Variants in TAF1A observed in about 807,000 individuals in gnomAD.
TAF1A encodes TATA box-binding protein-associated factor RNA polymerase I subunit A.
Under a neutral mutation model 61.6 loss-of-function variants are expected in TAF1A, and 42 were observed. The ratio of observed to expected loss-of-function variants is 0.68; its 90% CI spans 0.53 to 0.88. The LOEUF (loss-of-function observed/expected upper bound fraction) is 0.88, where lower values mean the gene tolerates loss of function less well. Ranked by LOEUF, TAF1A falls within the 40% of genes least tolerant of loss-of-function variation. The pLI is 0.00. For synonymous variants in TAF1A, 179 were observed against 177.7 expected (o/e 1.01, Z -0.06); for missense variants, 424 against 518.7 (o/e 0.82, Z 1.77).
chr1:222,589,847 T>G lies in TAF1A; in HGVS notation c.-123A>C. On this transcript the variant is annotated 5_prime_UTR_variant, in exon 1 of 11. Coordinates refer to ENST00000352967, the MANE Select transcript of TAF1A (RefSeq NM_005681.4). Reference sequence around the variant, plus strand: ...TTATATGAGCAGGCGCTAAACCTGGTTTAGGTATTTAGGCAGCGCGCGGCC... The same window carrying G: ...TTATATGAGCAGGCGCTAAACCTGGGTTAGGTATTTAGGCAGCGCGCGGCC... 2.6e-6 allele frequency: 1 copy of G among 385,380 alleles called. No homozygotes were observed. The highest frequency in any genetic ancestry group is 4.6e-6 in the Non-Finnish European group (1 of 218,158). 23.9% of individuals were successfully genotyped at this position (385,380 alleles called of 1,614,324 possible). A position where few individuals can be genotyped will look rare whatever the true frequency, so the allele number is the denominator to read the frequency against.
intron 3 of TAF1A, among the ~76,000 whole-genome samples, chr1:222,583,900 G>C (rs771187871): frequency 1.3e-5 from 2 of 151,058 alleles, no homozygotes; most frequent in East Asian, 3.9e-4. Context: ...CATCCATAAA[G>C]AGGGGGGAAA....
rs988729207 is a variant in TAF1A at position 222,585,456 on chromosome 1, A to T, written c.122-1159T>A. Among the ~76,000 whole-genome samples, 11 of 101,204 alleles carry T rather than the reference A, an allele frequency of 1.1e-4. 1 individual carries two copies. The South Asian group carries it at 1.4e-3, about 13-fold the overall frequency. The allele number at this position is 101,204 out of a possible 152,430, so 66.4% of individuals were successfully genotyped here. On this transcript the variant is annotated intron_variant, in intron 2 of 10. Coordinates refer to ENST00000352967, the MANE Select transcript of TAF1A (RefSeq NM_005681.4). ...GGGAAAAGTTTTAGATAACTTTATTAAAAAAAAAAAAAAAAGAGTCTTGCT... is the reference window on the plus strand; with the variant it reads ...GGGAAAAGTTTTAGATAACTTTATTTAAAAAAAAAAAAAAAGAGTCTTGCT...
At chr1:222,573,718 G>T (rs1269799731) in intron 5 of TAF1A, among the ~76,000 whole-genome samples, 1 of 152,060 alleles carries the variant, frequency 6.6e-6, no homozygotes, top group Non-Finnish European at 1.5e-5. Flanking sequence ...TAAACTTAGA[G>T]TTATATGACC....
intron 10 of TAF1A, among the ~76,000 whole-genome samples, chr1:222,560,875 G>GA (rs999648908): frequency 2.6e-5 from 4 of 152,216 alleles, no homozygotes; most frequent in South Asian, 4.1e-4. Context: ...TTTCTTTGAA[G>GA]AAAAAATCAA....
chr1:222,574,019 A>G (rs1210466376), intron 5 of TAF1A, among the ~76,000 whole-genome samples: 2 of 152,110 alleles, frequency 1.3e-5, no homozygotes, highest in Admixed American at 1.3e-4. Context: ...GTAAAAGAAG[A>G]CCACATACTG....
At chr1:222,570,691 A>T (rs1660315125) in intron 5 of TAF1A, 26 bp from the exon 6 acceptor site, 3 of 1,555,450 alleles carry the variant, frequency 1.9e-6, no homozygotes, top group African/African-American at 2.7e-5. Context: ...AGATCTTTTA[A>T]CATTCATTAA....
intron 3 of TAF1A, among the ~76,000 whole-genome samples, chr1:222,583,908 A>G (rs1332064597): frequency 1.3e-5 from 2 of 152,036 alleles, no homozygotes; most frequent in Non-Finnish European, 2.9e-5. Context: ...AAGAGGGGGG[A>G]AAAGGAAGAA....
chr1:222,584,036 CTG>C, intron 3 of TAF1A, 90 bp downstream of exon 3: 12 of 1,448,576 alleles, frequency 8.3e-6, no homozygotes, highest in Non-Finnish European at 1.0e-5. Context: ...AGCAAAATCA[CTG>C]AGATTCTGTA....
rs113268564 is a variant in TAF1A, at chr1:222,572,079, C to T, written c.605-1414G>A. 3.1e-3 allele frequency among the ~76,000 whole-genome samples: 464 copies of T among 152,068 alleles called. 2 individuals are homozygous for T. Among genetic ancestry groups the T allele is most frequent in the African/African-American group, 0.011 (436 of 41,466 alleles). On this transcript the variant is annotated intron_variant, in intron 5 of 10. Transcript: ENST00000352967. ...TAAAAGTACGAAAAAATTAGCTGGG[C>T]GTGGTGGCACACGCCTGTAGTCCCA...
chr1:222,588,856 C>A (rs1571837114), intron 1 of TAF1A, among the ~76,000 whole-genome samples: 1 of 152,202 alleles, frequency 6.6e-6, no homozygotes, highest in East Asian at 1.9e-4. Flanking sequence ...AACAGCAAAA[C>A]GTATAATAAC....
intron 7 of TAF1A, among the ~76,000 whole-genome samples, chr1:222,566,025 T>C (rs1213671929): frequency 3.9e-5 from 6 of 152,242 alleles, no homozygotes; most frequent in Admixed American, 3.9e-4. Flanking sequence ...AGAACTTTTC[T>C]CTATCATTTC....
rs751467054 is a variant in TAF1A, at chr1:222,579,858, G to A, written c.306C>T (p.Leu102=). The A allele has an allele frequency of 1.6e-5, 25 of 1,603,988 alleles. No individual in the cohort carries two copies. Among genetic ancestry groups the A allele is most frequent in the Admixed American group, 7.0e-5 (4 of 57,458 alleles). ...RQAAPEIIWK[L]GSEILFYHPK... ...GATGATAAAATAGAATTTCACTTCC[G>A]AGCTTCCAAATAATCTGTCAAAGCA... The change falls in exon 4 of 11, where the codon CTC becomes CTT. Residue 102 remains leucine, a synonymous_variant. Transcript: ENST00000352967.
chr1:222,561,021 G>T (rs1659892737), intron 10 of TAF1A, among the ~76,000 whole-genome samples: 1 of 152,124 alleles, frequency 6.6e-6, no homozygotes. Context: ...AAAGAACAGT[G>T]AGGTCAATAA....
At chr1:222,588,284 G>T (rs1455508567) in intron 2 of TAF1A, among the ~76,000 whole-genome samples, 159 bp downstream of exon 2, 1 of 152,088 alleles carries the variant, frequency 6.6e-6, no homozygotes, top group East Asian at 1.9e-4. Flanking sequence ...CAAGGGCAAA[G>T]AATTCTAAAA....
rs776319762 is a variant in TAF1A, at chr1:222,561,502, C to T, written c.1102G>A (p.Val368Ile). Residue 368 changes from valine to isoleucine, a missense_variant, in exon 10 of 11, where the codon GTT becomes ATT. Physicochemically the swap from Val to Ile is conservative, Grantham distance 29. Coordinates refer to ENST00000352967, the MANE Select transcript of TAF1A (RefSeq NM_005681.4). ...NILMGNHLAW[V>I]QEEWNSRKNW... is the part of the protein sequence containing the mutation. ...TTCCTGGAGTTCCACTCTTCTTGAA[C>T]CCACGCAAGGTGGTTTCTGGAAAAG... 3 of 1,607,312 alleles carry T rather than the reference C, an allele frequency of 1.9e-6. No homozygotes were observed. Among genetic ancestry groups the T allele is most frequent in the South Asian group, 2.2e-5 (2 of 89,514 alleles).
intron 3 of TAF1A, among the ~76,000 whole-genome samples, chr1:222,581,073 G>A (rs566033805): frequency 6.6e-6 from 1 of 152,154 alleles, no homozygotes. Context: ...TCCAGCCTGG[G>A]TGACAAAGTG....
intron 7 of TAF1A, 81 bp downstream of exon 7, chr1:222,569,428 TA>T: frequency 6.2e-7 from 1 of 1,610,958 alleles, no homozygotes; most frequent in Non-Finnish European, 8.5e-7. Flanking sequence ...GTAGATGCTA[TA>T]AAAGTTAGAA....
chr1:222,583,567 T>C (rs1453234376), intron 3 of TAF1A, among the ~76,000 whole-genome samples: 2 of 152,008 alleles, frequency 1.3e-5, no homozygotes, highest in Non-Finnish European at 2.9e-5. Flanking sequence ...AGGCTGGGCA[T>C]GGTGGCTCAC....
intron 7 of TAF1A, among the ~76,000 whole-genome samples, chr1:222,564,718 A>G (rs895620129): frequency 7.9e-5 from 12 of 152,204 alleles, no homozygotes; most frequent in African/African-American, 2.4e-4. Flanking sequence ...AAAAAATGGA[A>G]TTTAAAGTAA....
Sources: gnomAD v4.1 joint callset for allele counts (sites outside exome capture counted in the v4.1 genomes callset) on GRCh38, gnomAD v4.1.1 for gene constraint, MANE v1.5 for transcripts, NCBI Gene and HGNC (gene_info 2026-07-23, HGNC 2026-07-21) for gene names.